ANKS6: variants seen among roughly 807,000 people sequenced by gnomAD.
The protein encoded by ANKS6 is ankyrin repeat and SAM domain-containing protein 6.
ANKS6 carries 47 observed loss-of-function variants against 77.9 expected under a neutral mutation model. That is an observed-to-expected ratio of 0.60 (90% CI 0.48 to 0.77). ANKS6 has a LOEUF of 0.77. ANKS6 is among the 30% of genes least tolerant of loss of function. ANKS6 has a pLI of 0.00. For missense variants in ANKS6, 1,150 were observed against 1,159.1 expected (o/e 0.99, Z 0.11); for synonymous variants, 488 against 501.7 (o/e 0.97, Z 0.37).
chr9:98,784,691 G>A, intron 3 of ANKS6, 141 bp downstream of exon 3: 1 of 788,504 alleles, frequency 1.3e-6, no homozygotes, highest in Non-Finnish European at 2.0e-6. Context: ...TCCAGGATCT[G>A]AACTTCCAAA....
At chr9:98,773,819 C>T in intron 9 of ANKS6, 58 bp downstream of exon 9, 2 of 1,406,030 alleles carry the variant, frequency 1.4e-6, no homozygotes, top group South Asian at 1.6e-5. Context: ...GCCTGGAACA[C>T]ACCATGATCT....
Position 98,734,060 on chromosome 9 carries a change from T to C in ANKS6, c.*2459A>G, listed in dbSNP as rs453409. On this transcript the variant is annotated 3_prime_UTR_variant, in exon 15 of 15. Transcript: ENST00000353234. Reference sequence around the variant, plus strand: ...TCCCTGACGATCTATAACCTACATGTTCCGTGCTGCCTCCACACATGCCCC... The same window carrying C: ...TCCCTGACGATCTATAACCTACATGCTCCGTGCTGCCTCCACACATGCCCC... 28,329 of 985,324 alleles carry C rather than the reference T, an allele frequency of 0.029. 881 individuals are homozygous for C. The highest frequency in any genetic ancestry group is 0.26 in the East Asian group (2,259 of 8,754). 61.0% of individuals were successfully genotyped at this position (985,324 alleles called of 1,614,324 possible). A position where few individuals can be genotyped will look rare whatever the true frequency, so the allele number is the denominator to read the frequency against.
intron 11 of ANKS6, among the ~76,000 whole-genome samples, chr9:98,766,499 A>G (rs934342346): frequency 5.3e-5 from 8 of 152,206 alleles, no homozygotes; most frequent in African/African-American, 1.9e-4. Context: ...TAATTCTAAA[A>G]ATTCTTACTA....
At chr9:98,755,117 C>A (rs935561621) in intron 12 of ANKS6, among the ~76,000 whole-genome samples, 1 of 152,108 alleles carries the variant, frequency 6.6e-6, no homozygotes, top group African/African-American at 2.4e-5. Context: ...ATAAAAGCAG[C>A]CCCCAAATAA....
intron 12 of ANKS6, among the ~76,000 whole-genome samples, chr9:98,752,354 AAAG>A (rs1564184833): frequency 2.0e-5 from 3 of 152,316 alleles, no homozygotes; most frequent in South Asian, 4.1e-4. Context: ...CATGCAGCTT[AAAG>A]AAGTGATTAG....
intron 11 of ANKS6, among the ~76,000 whole-genome samples, chr9:98,757,142 C>A (rs768596144): frequency 6.6e-6 from 1 of 152,224 alleles, no homozygotes; most frequent in South Asian, 2.1e-4. Context: ...AGAGTTCCCA[C>A]ATACCCCTCA....
chr9:98,739,881 G>C (rs539008852), intron 14 of ANKS6, among the ~76,000 whole-genome samples: 1 of 148,236 alleles, frequency 6.7e-6, no homozygotes, highest in Non-Finnish European at 1.5e-5. Flanking sequence ...TCAGCCTCCC[G>C]AGTAGCTGGG....
chr9:98,765,370 C>T (rs1439335332), intron 11 of ANKS6, among the ~76,000 whole-genome samples: 1 of 152,204 alleles, frequency 6.6e-6, no homozygotes, highest in Non-Finnish European at 1.5e-5. Flanking sequence ...ATCATCTCTA[C>T]CCCTCCCTCT....
At chr9:98,790,640 C>T in intron 1 of ANKS6, 34 bp from the exon 2 acceptor site, 1 of 1,579,760 alleles carries the variant, frequency 6.3e-7, no homozygotes, top group Non-Finnish European at 8.6e-7. Flanking sequence ...TGACACTGAA[C>T]ACACAGCACT....
Position 98,778,326 on chromosome 9 carries a change from G to C in ANKS6, c.1467C>G (p.Asp489Glu). Reference protein sequence around the residue: ...LSSNQPLPFSDEPEPALDSTM... With the variant: ...LSSNQPLPFSEEPEPALDSTM... ...TGGAGTCCAGAGCTGGCTCAGGCTC[G>C]TCAGAGAAAGGCAAAGGCTGGTTGC... Residue 489 changes from aspartate (D) to glutamate (E), a missense_variant, in exon 7 of 15, where the codon GAC becomes GAG. By Grantham distance (45) the Asp-to-Glu change is conservative. Coordinates refer to ENST00000353234, the MANE Select transcript of ANKS6 (RefSeq NM_173551.5). 2.5e-6 allele frequency: 4 copies of C among 1,614,144 alleles called. No homozygotes were observed. The South Asian group carries it at 4.4e-5, about 18-fold the overall frequency.
At chr9:98,739,362 C>T in intron 14 of ANKS6, among the ~76,000 whole-genome samples, 1 of 152,212 alleles carries the variant, frequency 6.6e-6, no homozygotes, top group East Asian at 1.9e-4. Flanking sequence ...GTCCCAGCTA[C>T]TTGGAGACTG....
chr9:98,782,274 C>T (rs1361379494), intron 5 of ANKS6, among the ~76,000 whole-genome samples, 193 bp downstream of exon 5: 1 of 152,096 alleles, frequency 6.6e-6, no homozygotes, highest in Non-Finnish European at 1.5e-5. Flanking sequence ...GCCACCTGGT[C>T]CAAGTCCAGC....
intron 11 of ANKS6, among the ~76,000 whole-genome samples, chr9:98,758,314 C>T (rs925531528): frequency 4.4e-5 from 6 of 137,598 alleles, no homozygotes; most frequent in South Asian, 2.5e-4. Flanking sequence ...TTTTGACATG[C>T]GCCATCTTTC....
chr9:98,790,117 G>C lies in ANKS6; in HGVS notation c.849C>G (p.Val283=), dbSNP rs1309056173. The C allele has an allele frequency of 6.4e-7, 1 of 1,564,542 alleles. No individual in the cohort carries two copies. The highest frequency in any genetic ancestry group is 8.7e-7 in the Non-Finnish European group (1 of 1,147,254). The change falls in exon 2 of 15, where the codon GTC becomes GTG. Residue 283 remains valine (V), a synonymous_variant. Coordinates refer to ENST00000353234, the MANE Select transcript of ANKS6 (RefSeq NM_173551.5). ...ATGCAGCCTGACCTGTTTTGGGCCT[G>C]ACGGTGGTCAGCGGGTCCAGGTAGT... is the stretch of plus-strand genomic sequence containing the variant. ...LVDYLDPLTT[V]RPKTDEEKRR...
chr9:98,774,186 A>C (rs542407491), intron 8 of ANKS6, 106 bp from the exon 9 acceptor site: 2 of 1,008,374 alleles, frequency 2.0e-6, no homozygotes, highest in South Asian at 2.6e-5. Context: ...ACCACCATCC[A>C]CCCCTCCACC....
chr9:98,787,421 A>G (rs1834636007), intron 2 of ANKS6, among the ~76,000 whole-genome samples: 1 of 146,836 alleles, frequency 6.8e-6, no homozygotes, highest in Non-Finnish European at 1.5e-5. Flanking sequence ...ATCCTACTAT[A>G]TATTTAATAT....
At chr9:98,786,162 A>G (rs1319116513) in intron 2 of ANKS6, among the ~76,000 whole-genome samples, 1 of 152,110 alleles carries the variant, frequency 6.6e-6, no homozygotes, top group Non-Finnish European at 1.5e-5. Flanking sequence ...TATTTTTAGT[A>G]GAGACGGGGT....
At chr9:98,783,820 C>A in intron 4 of ANKS6, 133 bp downstream of exon 4, 2 of 603,754 alleles carry the variant, frequency 3.3e-6, no homozygotes, top group Non-Finnish European at 2.3e-6. Context: ...TTTTTTTTTC[C>A]ATGCCTCAAT....
chr9:98,792,877 A>C (rs1007483307), intron 1 of ANKS6, among the ~76,000 whole-genome samples: 2 of 152,242 alleles, frequency 1.3e-5, no homozygotes, highest in African/African-American at 4.8e-5. Context: ...GAAATAGTGA[A>C]ATTTGGAATG....
Sources: allele counts gnomAD v4.1 joint callset (sites outside exome capture counted in the v4.1 genomes callset), GRCh38; gene constraint gnomAD v4.1.1; transcripts MANE v1.5; gene names NCBI Gene and HGNC (gene_info 2026-07-23, HGNC 2026-07-21).